FAM204A: variants seen among roughly 807,000 people sequenced by gnomAD.
The protein encoded by FAM204A is family with sequence similarity 204 member A.
Under a neutral mutation model 35.4 loss-of-function variants are expected in FAM204A, and 16 were observed. That is an observed-to-expected ratio of 0.45 (90% CI 0.31 to 0.69). FAM204A has a LOEUF of 0.69. Among genes scored for constraint, FAM204A ranks in the 30% least tolerant of loss-of-function variants. FAM204A has a pLI of 0.07. For synonymous variants in FAM204A, 76 were observed against 86.9 expected (o/e 0.88, Z 0.70); for missense variants, 240 against 265.7 (o/e 0.90, Z 0.67).
chr10:118,321,393 A>G (rs1009649110), intron 7 of FAM204A, among the ~76,000 whole-genome samples: 9 of 152,074 alleles, frequency 5.9e-5, no homozygotes, highest in African/African-American at 2.2e-4. Flanking sequence ...TATCTTTCCA[A>G]TTTGGCCTGT....
rs558053823 is a variant in FAM204A at position 118,306,886 on chromosome 10, T to C, written c.*3971A>G. On this transcript the variant is annotated 3_prime_UTR_variant, in exon 9 of 9. Coordinates refer to ENST00000369183, the MANE Select transcript of FAM204A (RefSeq NM_022063.3). Reference sequence around the variant, plus strand: ...GTTAACACTAGAAAATGTGTGTAGGTATTTTTTTCTTTTAAAGCAAGCAGT... The same window carrying C: ...GTTAACACTAGAAAATGTGTGTAGGCATTTTTTTCTTTTAAAGCAAGCAGT... 6.6e-6 allele frequency: 1 copy of C among 152,322 alleles called. No homozygotes were observed. The highest frequency in any genetic ancestry group is 2.4e-5 in the African/African-American group (1 of 41,576). The allele number at this position is 152,322 out of a possible 1,614,324, so 9.4% of individuals were successfully genotyped here. A position where few individuals can be genotyped will look rare whatever the true frequency, so the allele number is the denominator to read the frequency against.
At position 118,302,076 on chromosome 10, in the gene FAM204A, A is replaced by G. The variant is rs543657285; in HGVS notation, c.*8781T>C. Reference sequence around the variant, plus strand: ...CTGGCGCCTGAGCACTTGCATCTCTATATTTCCTAGGTGATGTTGTGTGAC... The same window carrying G: ...CTGGCGCCTGAGCACTTGCATCTCTGTATTTCCTAGGTGATGTTGTGTGAC... On this transcript the variant is annotated 3_prime_UTR_variant, in exon 9 of 9. Coordinates refer to ENST00000369183, the MANE Select transcript of FAM204A (RefSeq NM_022063.3). The G allele has an allele frequency of 5.9e-5, 9 of 152,398 alleles. No individual in the cohort carries two copies. Among genetic ancestry groups the G allele is most frequent in the African/African-American group, 1.7e-4 (7 of 41,576 alleles). 9.4% of individuals were successfully genotyped at this position (152,398 alleles called of 1,614,324 possible). A position where few individuals can be genotyped will look rare whatever the true frequency, so the allele number is the denominator to read the frequency against.
rs925463627 is a variant in FAM204A, at chr10:118,304,515, C to G, written c.*6342G>C. On this transcript the variant is annotated 3_prime_UTR_variant, in exon 9 of 9. Transcript: ENST00000369183. Reference sequence around the variant, plus strand: ...TCTGGCCAGCTCTTTTCAACGCCATCTCTTTCTGCTGCTCTACTTCCCTGT... The same window carrying G: ...TCTGGCCAGCTCTTTTCAACGCCATGTCTTTCTGCTGCTCTACTTCCCTGT... 1 of 152,478 alleles carries G rather than the reference C, an allele frequency of 6.6e-6. No homozygotes were observed. Among genetic ancestry groups the G allele is most frequent in the African/African-American group, 2.4e-5 (1 of 41,462 alleles). The allele number at this position is 152,478 out of a possible 1,614,324, so 9.4% of individuals were successfully genotyped here.
At chr10:118,323,845 A>G (rs981104404) in intron 7 of FAM204A, among the ~76,000 whole-genome samples, 2 of 152,126 alleles carry the variant, frequency 1.3e-5, no homozygotes, top group Non-Finnish European at 2.9e-5. Flanking sequence ...TGAAGCTACT[A>G]TTTCTAAAAG....
Position 118,305,222 on chromosome 10 carries a change from A to G in FAM204A, c.*5635T>C. ...TTCTCCTTTGTCTCATGAACAAGAAATAAGCTTGTATTGTGCTTGAGTCAT... is the reference window on the plus strand; with the variant it reads ...TTCTCCTTTGTCTCATGAACAAGAAGTAAGCTTGTATTGTGCTTGAGTCAT... On this transcript the variant is annotated 3_prime_UTR_variant, in exon 9 of 9. Transcript: ENST00000369183. 1 of 152,222 alleles carries G rather than the reference A, an allele frequency of 6.6e-6. No homozygotes were observed. 9.4% of individuals were successfully genotyped at this position (152,222 alleles called of 1,614,324 possible). A position where few individuals can be genotyped will look rare whatever the true frequency, so the allele number is the denominator to read the frequency against.
chr10:118,336,437 G>T lies in FAM204A; in HGVS notation c.-8-14C>A. On this transcript the variant is annotated splice_polypyrimidine_tract_variant and intron_variant, in intron 2 of 8. Transcript: ENST00000369183. ...ACATCTTTTCTTCTATGAGGAAAAAGATTAATTTACACATGTAGAATAACC... is the reference window on the plus strand; with the variant it reads ...ACATCTTTTCTTCTATGAGGAAAAATATTAATTTACACATGTAGAATAACC... 6.3e-7 allele frequency: 1 copy of T among 1,591,688 alleles called. No individual in the cohort carries two copies. The highest frequency in any genetic ancestry group is 8.5e-7 in the Non-Finnish European group (1 of 1,170,108).
intron 6 of FAM204A, among the ~76,000 whole-genome samples, chr10:118,334,538 A>T (rs1846348890): frequency 1.3e-5 from 2 of 152,194 alleles, no homozygotes; most frequent in African/African-American, 4.8e-5. Flanking sequence ...ACCAGGTAAC[A>T]GTCATACGAA....
chr10:118,308,191 T>C lies in FAM204A; in HGVS notation c.*2666A>G, dbSNP rs898548843. Reference sequence around the variant, plus strand: ...CCTAAAGTACTTAAATAGTAAATCATAGTTACATTAATGCCATACCAACGG... The same window carrying C: ...CCTAAAGTACTTAAATAGTAAATCACAGTTACATTAATGCCATACCAACGG... On this transcript the variant is annotated 3_prime_UTR_variant, in exon 9 of 9. Transcript: ENST00000369183. The C allele has an allele frequency of 1.3e-5, 2 of 152,206 alleles. No homozygotes were observed. The highest frequency in any genetic ancestry group is 2.9e-5 in the Non-Finnish European group (2 of 68,028). The allele number at this position is 152,206 out of a possible 1,614,324, so 9.4% of individuals were successfully genotyped here.
intron 2 of FAM204A, among the ~76,000 whole-genome samples, chr10:118,341,338 C>G (rs566223984): frequency 6.6e-6 from 1 of 152,106 alleles, no homozygotes; most frequent in Non-Finnish European, 1.5e-5. Flanking sequence ...CACTTGTATA[C>G]TAATTATAAG....
chr10:118,300,774 G>A lies in FAM204A; in HGVS notation c.*10083C>T, dbSNP rs1401537811. On this transcript the variant is annotated 3_prime_UTR_variant, in exon 9 of 9. Coordinates refer to ENST00000369183, the MANE Select transcript of FAM204A (RefSeq NM_022063.3). Reference sequence around the variant, plus strand: ...AAGGAAAGCAGCTTCCACCTGAAAGGAAGTACAGTACTGGGGCCTTACTTC... The same window carrying A: ...AAGGAAAGCAGCTTCCACCTGAAAGAAAGTACAGTACTGGGGCCTTACTTC... 1 of 152,186 alleles carries A rather than the reference G, an allele frequency of 6.6e-6. No homozygotes were observed. The highest frequency in any genetic ancestry group is 2.4e-5 in the African/African-American group (1 of 41,422). The allele number at this position is 152,186 out of a possible 1,614,324, so 9.4% of individuals were successfully genotyped here. A position where few individuals can be genotyped will look rare whatever the true frequency, so the allele number is the denominator to read the frequency against.
chr10:118,335,004 C>T (rs1035055112), intron 6 of FAM204A, 110 bp downstream of exon 6: 11 of 720,214 alleles, frequency 1.5e-5, no homozygotes, highest in Middle Eastern at 3.1e-4. Context: ...TTTTGGTATG[C>T]AGTAGGCATC....
chr10:118,341,165 C>T (rs185021327), intron 2 of FAM204A, among the ~76,000 whole-genome samples: 24 of 152,278 alleles, frequency 1.6e-4, no homozygotes, highest in African/African-American at 5.3e-4. Context: ...ATAATCAAAA[C>T]CCAAAAGATA....
At position 118,300,694 on chromosome 10, in the gene FAM204A, G is replaced by C. The variant is rs550233212; in HGVS notation, c.*10163C>G. 6.6e-6 allele frequency: 1 copy of C among 152,200 alleles called. No homozygotes were observed. The highest frequency in any genetic ancestry group is 1.5e-5 in the Non-Finnish European group (1 of 68,062). The allele number at this position is 152,200 out of a possible 1,614,324, so 9.4% of individuals were successfully genotyped here. A position where few individuals can be genotyped will look rare whatever the true frequency, so the allele number is the denominator to read the frequency against. ...CACCCACCTATAGGAGCTTAGCCCT[G>C]GGGAATTCTTTGGGCAGAATCCAGG... On this transcript the variant is annotated 3_prime_UTR_variant, in exon 9 of 9. Coordinates refer to ENST00000369183, the MANE Select transcript of FAM204A (RefSeq NM_022063.3).
intron 7 of FAM204A, among the ~76,000 whole-genome samples, chr10:118,312,166 G>A (rs1564753831): frequency 6.6e-6 from 1 of 152,324 alleles, no homozygotes; most frequent in East Asian, 1.9e-4. Flanking sequence ...TGTGCTCTTA[G>A]TTTTAAAATG....
intron 7 of FAM204A, chr10:118,322,388 C>T (rs368735258): frequency 3.3e-5 from 15 of 456,212 alleles, no homozygotes; most frequent in African/African-American, 2.0e-4. Flanking sequence ...CTGAGAAACA[C>T]ACAACATTAC....
At chr10:118,340,187 T>C (rs1380223720) in intron 2 of FAM204A, among the ~76,000 whole-genome samples, 1 of 152,222 alleles carries the variant, frequency 6.6e-6, no homozygotes, top group African/African-American at 2.4e-5. Context: ...TAGTTATAGG[T>C]CTGATTTTTA....
Position 118,308,442 on chromosome 10 carries a change from CTAAT to C in FAM204A, c.*2411_*2414del, listed in dbSNP as rs1845898346. The C allele has an allele frequency of 6.6e-6, 1 of 152,102 alleles. No individual in the cohort carries two copies. The highest frequency in any genetic ancestry group is 2.4e-5 in the African/African-American group (1 of 41,396). 9.4% of individuals were successfully genotyped at this position (152,102 alleles called of 1,614,324 possible). A position where few individuals can be genotyped will look rare whatever the true frequency, so the allele number is the denominator to read the frequency against. On this transcript the variant is annotated 3_prime_UTR_variant, in exon 9 of 9. Coordinates refer to ENST00000369183, the MANE Select transcript of FAM204A (RefSeq NM_022063.3). ...AATAATGTTTCTAGGAGTAAAATACCTAATTCCTATTAGAAAGGATAAAATAAAA... is the reference window on the plus strand; with the variant it reads ...AATAATGTTTCTAGGAGTAAAATACCTCCTATTAGAAAGGATAAAATAAAA...
intron 6 of FAM204A, among the ~76,000 whole-genome samples, chr10:118,333,588 G>A (rs1846325645): frequency 6.6e-6 from 1 of 152,076 alleles, no homozygotes; most frequent in Admixed American, 6.6e-5. Flanking sequence ...CAATTATACT[G>A]AACTACCAAG....
In FAM204A at chr10:118,304,200, A is replaced by G. The variant is rs748134467; in HGVS notation, c.*6657T>C. 6.6e-6 allele frequency: 1 copy of G among 151,992 alleles called. No homozygotes were observed. The highest frequency in any genetic ancestry group is 1.5e-5 in the Non-Finnish European group (1 of 68,022). 9.4% of individuals were successfully genotyped at this position (151,992 alleles called of 1,614,324 possible). On this transcript the variant is annotated 3_prime_UTR_variant, in exon 9 of 9. Coordinates refer to ENST00000369183, the MANE Select transcript of FAM204A (RefSeq NM_022063.3). ...CTTTCAAGACCTCTTTCATCGACCT[A>G]TTTCTGCAACCTCCCTCCCTTCTGA...
Sources: gnomAD v4.1 joint callset for allele counts (sites outside exome capture counted in the v4.1 genomes callset) on GRCh38, gnomAD v4.1.1 for gene constraint, MANE v1.5 for transcripts, NCBI Gene and HGNC (gene_info 2026-07-23, HGNC 2026-07-21) for gene names.